The following LRCH1 variants were observed in gnomAD, a reference collection of about 807,000 sequenced individuals.
LRCH1 encodes the protein leucine-rich repeat and calponin homology domain-containing protein 1.
Under a neutral mutation model 94.9 loss-of-function variants are expected in LRCH1, and 23 were observed. The observed-to-expected ratio is 0.24, with a 90% CI of 0.17 to 0.34. The LOEUF (loss-of-function observed/expected upper bound fraction) is 0.34. Among genes scored for constraint, LRCH1 ranks in the 10% least tolerant of loss-of-function variants. The probability of loss-of-function intolerance (pLI) is 1.00; values close to 1 mark genes in which losing one functional copy is unlikely to be tolerated. For missense variants in LRCH1, 790 were observed against 945.9 expected (o/e 0.84, Z 2.16); for synonymous variants, 364 against 354.9 (o/e 1.03, Z -0.29).
chr13:46,634,918 T>C (rs2051065150), intron 1 of LRCH1, among the ~76,000 whole-genome samples: 1 of 152,238 alleles, frequency 6.6e-6, no homozygotes, highest in African/African-American at 2.4e-5. Flanking sequence ...GACTTTCCGA[T>C]GAGCATGCTT....
At chr13:46,683,463 A>G (rs1186870613) in intron 4 of LRCH1, among the ~76,000 whole-genome samples, 2 of 152,190 alleles carry the variant, frequency 1.3e-5, no homozygotes, top group Admixed American at 6.5e-5. Context: ...CATTTTTTGG[A>G]TATACAAAAC....
At chr13:46,686,177 A>G (rs1484807052) in intron 5 of LRCH1, 136 bp downstream of exon 5, 4 of 880,644 alleles carry the variant, frequency 4.5e-6, no homozygotes, top group Non-Finnish European at 6.3e-6. Flanking sequence ...ATTGGAGAAA[A>G]GGCATCAAAA....
chr13:46,614,210 T>G (rs1427022135), intron 1 of LRCH1, among the ~76,000 whole-genome samples: 1 of 152,186 alleles, frequency 6.6e-6, no homozygotes, highest in African/African-American at 2.4e-5. Context: ...GTACTCTAGA[T>G]TTTTTCATCC....
intron 1 of LRCH1, among the ~76,000 whole-genome samples, chr13:46,612,876 T>G (rs962976160): frequency 1.3e-5 from 2 of 152,154 alleles, no homozygotes; most frequent in Non-Finnish European, 2.9e-5. Flanking sequence ...AATTAGGAAC[T>G]GAAATTTAAG....
intron 1 of LRCH1, among the ~76,000 whole-genome samples, chr13:46,581,060 A>G (rs1003278937): frequency 1.3e-5 from 2 of 152,198 alleles, no homozygotes; most frequent in Non-Finnish European, 1.5e-5. Flanking sequence ...TGCCTCACCA[A>G]TGGATCTAGC....
At position 46,741,892 on chromosome 13, in the gene LRCH1, C is replaced by A; in HGVS notation, c.*44C>A. The A allele has an allele frequency of 6.2e-7, 1 of 1,611,066 alleles. No individual in the cohort carries two copies. The highest frequency in any genetic ancestry group is 1.1e-5 in the South Asian group (1 of 90,966). ...AACGCTGTGCTCTGTCGCCCTCAAC[C>A]TTTGCAGGGTCCTTCCTACCTTTGA... On this transcript the variant is annotated 3_prime_UTR_variant, in exon 20 of 20. Coordinates refer to ENST00000389797, the MANE Select transcript of LRCH1 (RefSeq NM_001164211.2).
At position 46,711,830 on chromosome 13, in the gene LRCH1, T is replaced by A; in HGVS notation, c.1567T>A (p.Tyr523Asn). 6.2e-7 allele frequency: 1 copy of A among 1,613,284 alleles called. No homozygotes were observed. The highest frequency in any genetic ancestry group is 8.5e-7 in the Non-Finnish European group (1 of 1,179,408). ...AACATTACAGAGTAACGGGAGCCAG[T>A]ATTCTCCAAATGAGGTAAGTTTCTT... is the stretch of plus-strand genomic sequence containing the variant. ...DLTLQSNGSQ[Y>N]SPNEIRENSP... The change falls in exon 14 of 20, where the codon TAT becomes AAT. Residue 523 changes from tyrosine to asparagine, a missense_variant. By Grantham distance (143) the Tyr-to-Asn change is moderately radical. Around this residue, in one of 3 missense-constraint regions of LRCH1, gnomAD observed 460 missense variants for 508.9 expected, o/e 0.90. Transcript: ENST00000389797.
At chr13:46,660,034 C>CTTTTTTTTTTTTTTTTTTTTTTT (rs767544799) in intron 2 of LRCH1, among the ~76,000 whole-genome samples, 1 of 103,664 alleles carries the variant, frequency 9.6e-6, no homozygotes, top group African/African-American at 3.6e-5. Flanking sequence ...TTAGGAGTCA[C>CTTTTTTTTTTTTTTTTTTTTTTT]TTTTTTTTTT....
intron 1 of LRCH1, among the ~76,000 whole-genome samples, chr13:46,573,156 C>G (rs1364177933): frequency 6.6e-6 from 1 of 152,196 alleles, no homozygotes; most frequent in African/African-American, 2.4e-5. Flanking sequence ...TTGTCACTCT[C>G]TCTTTCCATC....
At chr13:46,582,358 C>G (rs527297269) in intron 1 of LRCH1, among the ~76,000 whole-genome samples, 334 of 129,036 alleles carry the variant, frequency 2.6e-3, no homozygotes, top group African/African-American at 9.6e-3. Flanking sequence ...GAAGAACAAC[C>G]GTTGCTCTCA....
At chr13:46,624,332 TG>T (rs1368769615) in intron 1 of LRCH1, among the ~76,000 whole-genome samples, 3 of 152,256 alleles carry the variant, frequency 2.0e-5, no homozygotes, top group Non-Finnish European at 4.4e-5. Flanking sequence ...GATTTGAGTA[TG>T]GAAGTGTTCC....
rs191744841 is a variant in LRCH1, at chr13:46,744,573, A to G, written c.*2725A>G. The G allele has an allele frequency of 2.5e-3, 2,501 of 985,420 alleles. 3 individuals carry two copies. The highest frequency in any genetic ancestry group is 2.8e-3 in the Non-Finnish European group (2,289 of 829,924). 61.0% of individuals were successfully genotyped at this position (985,420 alleles called of 1,614,324 possible). ...TACAATGTATGATAATCGAGTATAA[A>G]TTTCATCAATGAGAGTAGATAAATA... is the stretch of plus-strand genomic sequence containing the variant. On this transcript the variant is annotated 3_prime_UTR_variant, in exon 20 of 20. Coordinates refer to ENST00000389797, the MANE Select transcript of LRCH1 (RefSeq NM_001164211.2).
intron 1 of LRCH1, among the ~76,000 whole-genome samples, chr13:46,565,666 C>G (rs943909604): frequency 7.3e-5 from 11 of 151,718 alleles, no homozygotes; most frequent in Non-Finnish European, 1.6e-4. Context: ...CAAAAATTAG[C>G]TGGGTGTGGT....
intron 1 of LRCH1, among the ~76,000 whole-genome samples, chr13:46,603,747 C>T (rs779211559): frequency 2.6e-5 from 4 of 152,176 alleles, no homozygotes; most frequent in Non-Finnish European, 4.4e-5. Flanking sequence ...GCCTCAATCT[C>T]CTGGGCTCAA....
At chr13:46,668,118 T>C (rs1452471591) in intron 2 of LRCH1, among the ~76,000 whole-genome samples, 1 of 152,160 alleles carries the variant, frequency 6.6e-6, no homozygotes, top group Admixed American at 6.5e-5. Flanking sequence ...CTGAAACCCA[T>C]CTGTCTTTTT....
rs1336219192 is a variant in LRCH1, at chr13:46,689,153, G to A, written c.971G>A (p.Gly324Glu). Residue 324 changes from glycine (G) to glutamate (E), a missense_variant, in exon 7 of 20, where the codon GGA becomes GAA. Coordinates refer to ENST00000389797, the MANE Select transcript of LRCH1 (RefSeq NM_001164211.2). ...VEDGKKDSDS[G>E]VGSDNGDKRL... Reference sequence around the variant, plus strand: ...CTCAGCAAGAAGGATTCTGATTCGGGAGTTGGAAGTGATAATGGAGATAAG... The same window carrying A: ...CTCAGCAAGAAGGATTCTGATTCGGAAGTTGGAAGTGATAATGGAGATAAG... 1 of 1,610,718 alleles carries A rather than the reference G, an allele frequency of 6.2e-7. No individual in the cohort carries two copies. The highest frequency in any genetic ancestry group is 8.5e-7 in the Non-Finnish European group (1 of 1,178,298).
intron 1 of LRCH1, among the ~76,000 whole-genome samples, chr13:46,619,273 G>A (rs866977742): frequency 6.6e-6 from 1 of 152,144 alleles, no homozygotes. Flanking sequence ...ACTACGCCTG[G>A]CTAATTTTTG....
intron 17 of LRCH1, among the ~76,000 whole-genome samples, chr13:46,726,315 C>T (rs1872812562): frequency 1.3e-5 from 2 of 152,170 alleles, no homozygotes; most frequent in South Asian, 2.1e-4. Flanking sequence ...GTCCTTGAGA[C>T]TTGAGGGGCG....
chr13:46,601,793 C>T lies in LRCH1; in HGVS notation c.307+48090C>T, dbSNP rs186644322. 2.7e-3 allele frequency among the ~76,000 whole-genome samples: 408 copies of T among 152,240 alleles called. 4 individuals are homozygous for T. Among genetic ancestry groups the T allele is most frequent in the African/African-American group, 9.3e-3 (388 of 41,560 alleles). ...TGTTTTTCGTAGGGGGTTATGGAGTCGCAATGCCTGGGGTGTTAGGAATAT... is the reference window on the plus strand; with the variant it reads ...TGTTTTTCGTAGGGGGTTATGGAGTTGCAATGCCTGGGGTGTTAGGAATAT... On this transcript the variant is annotated intron_variant, in intron 1 of 19. Coordinates refer to ENST00000389797, the MANE Select transcript of LRCH1 (RefSeq NM_001164211.2).
Sources: gnomAD v4.1 joint callset for allele counts (sites outside exome capture counted in the v4.1 genomes callset) on GRCh38, gnomAD v4.1.1 for gene constraint, gnomAD v4.1.1 regional missense constraint, MANE v1.5 for transcripts, NCBI Gene and HGNC (gene_info 2026-07-23, HGNC 2026-07-21) for gene names.